The following A2M variants were observed in gnomAD, a reference collection of about 807,000 sequenced individuals.
A2M encodes the protein C3 and PZP-like alpha-2-macroglobulin domain-containing protein 5.
Under a neutral mutation model 183.9 loss-of-function variants are expected in A2M, and 128 were observed. The ratio of observed to expected loss-of-function variants is 0.70; its 90% CI spans 0.60 to 0.81. The LOEUF is 0.81. Ranked by LOEUF, A2M falls within the 30% of genes least tolerant of loss-of-function variation. The pLI is 0.00. For missense variants in A2M, 1,495 were observed against 1,787.6 expected (o/e 0.84, Z 2.95); for synonymous variants, 592 against 670.8 (o/e 0.88, Z 1.81).
At position 9,103,921 on chromosome 12, in the gene A2M, A is replaced by G. The variant is rs1938085784; in HGVS notation, c.1266+318T>C. 2.0e-5 allele frequency among the ~76,000 whole-genome samples: 3 copies of G among 152,192 alleles called. No individual in the cohort carries two copies. The South Asian group carries it at 6.2e-4, about 31-fold the overall frequency. On this transcript the variant is annotated intron_variant, in intron 11 of 35. Coordinates refer to ENST00000318602, the MANE Select transcript of A2M (RefSeq NM_000014.6). ...GACCCCGTTTTCGATTCTTTTGAAT[A>G]TATGTCCAGAAGTAGGATTACTGGA...
chr12:9,078,356 C>T (rs1211473803), intron 25 of A2M, among the ~76,000 whole-genome samples: 1 of 152,160 alleles, frequency 6.6e-6, no homozygotes, highest in African/African-American at 2.4e-5. Flanking sequence ...CATGTCCCTG[C>T]AAAGGACATG....
intron 22 of A2M, among the ~76,000 whole-genome samples, chr12:9,082,337 G>C (rs1948932427): frequency 1.3e-5 from 2 of 152,144 alleles, no homozygotes; most frequent in Non-Finnish European, 2.9e-5. Flanking sequence ...CTTGTGACTG[G>C]CCTGACCAGA....
Position 9,080,139 on chromosome 12 carries a change from G to T in A2M, c.2809C>A (p.Pro937Thr). The T allele has an allele frequency of 6.3e-7, 1 of 1,589,418 alleles. No individual in the cohort carries two copies. Among genetic ancestry groups the T allele is most frequent in the Non-Finnish European group, 8.6e-7 (1 of 1,167,238 alleles). The change falls in exon 23 of 36, where the codon CCA (proline) becomes ACA (threonine). Residue 937 changes from proline (P) to threonine (T), a missense_variant. Transcript: ENST00000318602. ...VSEELSLKLP[P>T]NVVEESARAS... ...CGGGCAGATTCTTCTACCACATTTG[G>T]TGGCAGTTTCAGGGATAATTCTTCA...
At position 9,106,419 on chromosome 12, in the gene A2M, T is replaced by C. The variant is rs190329445; in HGVS notation, c.994+72A>G. The C allele has an allele frequency of 9.1e-6, 13 of 1,428,312 alleles. No homozygotes were observed. The African/African-American group carries it at 1.8e-4, about 20-fold the overall frequency. The allele number at this position is 1,428,312 out of a possible 1,614,324, so 88.5% of individuals were successfully genotyped here. A position where few individuals can be genotyped will look rare whatever the true frequency, so the allele number is the denominator to read the frequency against. ...TAAAATTCTATCACCTCCCCCCAAC[T>C]TACAATTCATTATTTGGCTAAGAAA... On this transcript the variant is annotated intron_variant, in intron 9 of 35. Coordinates refer to ENST00000318602, the MANE Select transcript of A2M (RefSeq NM_000014.6).
intron 15 of A2M, among the ~76,000 whole-genome samples, chr12:9,097,713 A>G (rs775791631): frequency 2.7e-5 from 4 of 149,740 alleles, no homozygotes; most frequent in Admixed American, 6.7e-5. Flanking sequence ...GGCTCACTCA[A>G]CCTCTGCCTC....
Position 9,091,228 on chromosome 12 carries a change from G to T in A2M, c.2442C>A (p.Val814=), listed in dbSNP as rs1424385305. Residue 814 remains valine, a synonymous_variant, in exon 19 of 36, where the codon GTC becomes GTA. Transcript: ENST00000318602. The stretch of plus-strand genomic sequence containing the variant: ...GGATGCATTTGGGAAGGTAGTTTAG[G>T]ACCGTGGCCTTGAGTGTGAAGGCCT... The part of the protein sequence containing the change: ...RGEAFTLKAT[V]LNYLPKCIRV... 6.2e-7 allele frequency: 1 copy of T among 1,614,060 alleles called. No homozygotes were observed. Among genetic ancestry groups the T allele is most frequent in the Non-Finnish European group, 8.5e-7 (1 of 1,180,044 alleles).
chr12:9,109,299 G>T, intron 7 of A2M, 22 bp downstream of exon 7: 2 of 1,579,996 alleles, frequency 1.3e-6, no homozygotes, highest in African/African-American at 1.3e-5. Context: ...CCCCACAAAA[G>T]ATTTTTAAAA....
chr12:9,072,572 A>G (rs1948609678), intron 30 of A2M, 81 bp downstream of exon 30: 1 of 1,600,600 alleles, frequency 6.2e-7, no homozygotes, highest in Non-Finnish European at 8.5e-7. Context: ...GATCTGTCCC[A>G]TTGTTTTCTG....
intron 17 of A2M, 26 bp downstream of exon 17, chr12:9,094,947 T>A: frequency 8.0e-7 from 1 of 1,247,054 alleles, no homozygotes; most frequent in Non-Finnish European, 1.1e-6. Flanking sequence ...TATTAGGCAA[T>A]ATATATTTAT....
chr12:9,071,706 T>C (rs1255838286), intron 31 of A2M, among the ~76,000 whole-genome samples: 1 of 152,232 alleles, frequency 6.6e-6, no homozygotes, highest in Non-Finnish European at 1.5e-5. Context: ...TGGTTTTCCA[T>C]TCCTGTGCTA....
Position 9,107,549 on chromosome 12 carries a change from G to T in A2M, c.854C>A (p.Ala285Asp). ...CTGTCCACTGAATTTCTCACAGAAA[G>T]CCTGTGAATCTTCACCGTGGCAGTC... ...ASDCHGEDSQ[A>D]FCEKFSGQLN... The change falls in exon 8 of 36, where the codon GCT becomes GAT. Residue 285 changes from alanine to aspartate, a missense_variant. Physicochemically the swap from Ala to Asp is moderately radical, Grantham distance 126. Transcript: ENST00000318602. 1.9e-6 allele frequency: 3 copies of T among 1,613,922 alleles called. No homozygotes were observed. Among genetic ancestry groups the T allele is most frequent in the Non-Finnish European group, 2.5e-6 (3 of 1,179,874 alleles).
chr12:9,096,850 T>C (rs1320151443), intron 15 of A2M, among the ~76,000 whole-genome samples: 1 of 152,218 alleles, frequency 6.6e-6, no homozygotes, highest in African/African-American at 2.4e-5. Flanking sequence ...ACATACATTT[T>C]TATCTTTCCA....
rs1445937991 is a variant in A2M at position 9,079,609 on chromosome 12, A to G, written c.3031+30T>C. Reference sequence around the variant, plus strand: ...GGGAAATCCAGTTGAAATAACATTCAAGTTTTCCCTTACTCAAGTAATCAC... The same window carrying G: ...GGGAAATCCAGTTGAAATAACATTCGAGTTTTCCCTTACTCAAGTAATCAC... On this transcript the variant is annotated intron_variant, in intron 24 of 35. Transcript: ENST00000318602. 2.5e-6 allele frequency: 4 copies of G among 1,594,566 alleles called. No individual in the cohort carries two copies. The South Asian group carries it at 4.5e-5, about 18-fold the overall frequency.
intron 35 of A2M, 50 bp downstream of exon 35, chr12:9,068,133 G>C: frequency 1.3e-6 from 2 of 1,592,846 alleles, no homozygotes; most frequent in Middle Eastern, 3.4e-4. Flanking sequence ...GGTTTGGGGG[G>C]CAAGCTGAAG....
chr12:9,106,637 T>A, intron 8 of A2M, 32 bp from the exon 9 acceptor site: 2 of 1,159,626 alleles, frequency 1.7e-6, no homozygotes, highest in Non-Finnish European at 2.5e-6. Flanking sequence ...TACAAAAATA[T>A]AATGCATATT....
intron 18 of A2M, 78 bp from the exon 19 acceptor site, chr12:9,091,507 A>T: frequency 6.8e-7 from 1 of 1,460,276 alleles, no homozygotes; most frequent in Non-Finnish European, 9.4e-7. Context: ...CCTAGGAATG[A>T]TTCTACTGCC....
At chr12:9,098,841 T>C (rs897232325) in intron 14 of A2M, 85 bp from the exon 15 acceptor site, 1 of 1,477,520 alleles carries the variant, frequency 6.8e-7, no homozygotes, top group African/African-American at 1.4e-5. Context: ...GTTCCTCATG[T>C]ACAATGTATA....
intron 26 of A2M, 73 bp from the exon 27 acceptor site, chr12:9,077,493 T>C (rs1479717464): frequency 1.3e-6 from 2 of 1,504,454 alleles, no homozygotes; most frequent in East Asian, 4.7e-5. Flanking sequence ...TCTATTCTGC[T>C]GTGTCATGGA....
In A2M at chr12:9,077,344, A is replaced by G; in HGVS notation, c.3351+2T>C. The G allele has an allele frequency of 1.2e-6, 2 of 1,612,394 alleles. No homozygotes were observed. The highest frequency in any genetic ancestry group is 1.7e-6 in the Non-Finnish European group (2 of 1,178,948). On this transcript the variant is annotated splice_donor_variant, in intron 27 of 35. Coordinates refer to ENST00000318602, the MANE Select transcript of A2M (RefSeq NM_000014.6). LOFTEE classifies it high-confidence loss of function. The stretch of plus-strand genomic sequence containing the variant: ...TCAGCAGAGGAATGGGGTGGTACCT[A>G]CAGTGACTGTGAGAGGAATCTCCAG...
Sources: gnomAD v4.1 joint callset for allele counts (sites outside exome capture counted in the v4.1 genomes callset) on GRCh38, gnomAD v4.1.1 for gene constraint, MANE v1.5 for transcripts, NCBI Gene and HGNC (gene_info 2026-07-23, HGNC 2026-07-21) for gene names.